DOC2B: variants seen among roughly 807,000 people sequenced by gnomAD.
DOC2B encodes double C2 domain beta, also known as double C2-like domain-containing protein beta.
DOC2B carries 21 observed loss-of-function variants against 28.9 expected under a neutral mutation model. The observed-to-expected ratio is 0.73, with a 90% CI of 0.52 to 1.05. DOC2B has a LOEUF of 1.05. Ranked by LOEUF, DOC2B falls within the 50% of genes least tolerant of loss-of-function variation. DOC2B has a pLI of 0.00. For missense variants in DOC2B, 384 were observed against 421.1 expected (o/e 0.91, Z 0.77); for synonymous variants, 194 against 178.1 (o/e 1.09, Z -0.71).
intron 1 of DOC2B, among the ~76,000 whole-genome samples, chr17:179,586 G>A (rs1487463934): frequency 6.6e-6 from 1 of 152,184 alleles, no homozygotes; most frequent in Non-Finnish European, 1.5e-5. Context: ...GGCAGCCAAA[G>A]CAGTTACTTG....
At chr17:162,011 C>T (rs111634325) in intron 4 of DOC2B, 70 bp downstream of exon 4, 58,778 of 1,119,898 alleles carry the variant, frequency 0.052, 1,857 homozygotes, top group Middle Eastern at 0.067. Flanking sequence ...TCCAGTCCTG[C>T]CTTCATTAGG....
intron 2 of DOC2B, among the ~76,000 whole-genome samples, chr17:166,745 C>T (rs566339809): frequency 6.6e-4 from 95 of 143,890 alleles, no homozygotes; most frequent in Non-Finnish European, 1.2e-3. Context: ...TGGTCTGACA[C>T]TGTTCTTGAG....
chr17:156,524 A>AG, intron 5 of DOC2B, 147 bp from the exon 6 acceptor site: 2 of 822,066 alleles, frequency 2.4e-6, no homozygotes. Flanking sequence ...GTGAACTCAC[A>AG]GCCCTTCTGT....
At chr17:155,610 CACCCTCTCCAAAGGG>C (rs1567528958) in intron 6 of DOC2B, among the ~76,000 whole-genome samples, 5 of 152,200 alleles carry the variant, frequency 3.3e-5, no homozygotes, top group Non-Finnish European at 5.9e-5. Context: ...GCACCTGTAG[CACCCTCTCCAAAGGG>C]TCGCCAGCTC....
chr17:163,006 T>C (rs2040222662), intron 3 of DOC2B, among the ~76,000 whole-genome samples: 1 of 152,200 alleles, frequency 6.6e-6, no homozygotes, highest in Non-Finnish European at 1.5e-5. Context: ...TCAGACAGCC[T>C]GGGCTTCCAA....
At chr17:163,904 G>A (rs559943257) in intron 3 of DOC2B, among the ~76,000 whole-genome samples, 13 of 152,306 alleles carry the variant, frequency 8.5e-5, no homozygotes, top group African/African-American at 2.6e-4. Context: ...ACGCTGACTC[G>A]TGAGGTCCCC....
chr17:169,637 G>A (rs1222239924), intron 2 of DOC2B, among the ~76,000 whole-genome samples: 3 of 152,146 alleles, frequency 2.0e-5, no homozygotes, highest in Admixed American at 6.5e-5. Context: ...GGCATGTAGG[G>A]CAGGGACAAC....
chr17:159,655 A>C (rs967633108), intron 5 of DOC2B, among the ~76,000 whole-genome samples: 6 of 152,258 alleles, frequency 3.9e-5, no homozygotes, highest in Middle Eastern at 3.4e-3. Context: ...TACCACCAGA[A>C]TGTGGCTGTA....
chr17:161,276 A>T, intron 5 of DOC2B, 139 bp downstream of exon 5: 1 of 888,932 alleles, frequency 1.1e-6, no homozygotes, highest in Non-Finnish European at 1.7e-6. Flanking sequence ...CACCCCCTTG[A>T]CTCTCCATGC....
rs2040002988 is a variant in DOC2B at position 144,098 on chromosome 17, CGG to C, written c.*3341_*3342del. 4.6e-5 allele frequency: 3 copies of C among 64,774 alleles called. No homozygotes were observed. Among genetic ancestry groups the C allele is most frequent in the Admixed American group, 4.6e-4 (3 of 6,556 alleles). The allele number at this position is 64,774 out of a possible 1,614,324, so 4.0% of individuals were successfully genotyped here. A position where few individuals can be genotyped will look rare whatever the true frequency, so the allele number is the denominator to read the frequency against. The stretch of plus-strand genomic sequence containing the variant: ...GCGGGCGGGGCGGCGGGCGGGGCGG[CGG>C]GCGGGGCGGCGCTGGAGGCAGCGCC... On this transcript the variant is annotated 3_prime_UTR_variant, in exon 9 of 9. Transcript: ENST00000613549.
Position 162,142 on chromosome 17 carries a change from A to G in DOC2B, c.577T>C (p.Trp193Arg). 4.5e-6 allele frequency: 7 copies of G among 1,551,956 alleles called. No homozygotes were observed. The highest frequency in any genetic ancestry group is 6.1e-6 in the Non-Finnish European group (7 of 1,147,042). ...KTLRNTLNPTWNETLTYYGIT... is the reference protein window; with the variant it reads ...KTLRNTLNPTRNETLTYYGIT... ...CCGTAGTAAGTGAGGGTCTCGTTCCATGTGGGGTTCAGAGTGTTACGGAGA... is the reference window on the plus strand; with the variant it reads ...CCGTAGTAAGTGAGGGTCTCGTTCCGTGTGGGGTTCAGAGTGTTACGGAGA... The change falls in exon 4 of 9, where the codon TGG becomes CGG. Residue 193 changes from tryptophan to arginine, a missense_variant. Physicochemically the swap from Trp to Arg is moderately radical, Grantham distance 101. Coordinates refer to ENST00000613549, the MANE Select transcript of DOC2B (RefSeq NM_003585.5).
In DOC2B at chr17:146,157, C is replaced by G. The variant is rs1472783509; in HGVS notation, c.*1284G>C. Reference sequence around the variant, plus strand: ...GGGTGGAGCTGGCCCCACAGGCCTCCCCAGAGACAAGGCCCTGGACGGCCA... The same window carrying G: ...GGGTGGAGCTGGCCCCACAGGCCTCGCCAGAGACAAGGCCCTGGACGGCCA... On this transcript the variant is annotated 3_prime_UTR_variant, in exon 9 of 9. Transcript: ENST00000613549. 1 of 152,194 alleles carries G rather than the reference C, an allele frequency of 6.6e-6. No homozygotes were observed. The highest frequency in any genetic ancestry group is 1.5e-5 in the Non-Finnish European group (1 of 68,084). 9.4% of individuals were successfully genotyped at this position (152,194 alleles called of 1,614,324 possible). A position where few individuals can be genotyped will look rare whatever the true frequency, so the allele number is the denominator to read the frequency against.
intron 1 of DOC2B, among the ~76,000 whole-genome samples, chr17:174,102 C>T (rs760984430): frequency 6.6e-5 from 10 of 152,144 alleles, no homozygotes; most frequent in Non-Finnish European, 1.2e-4. Flanking sequence ...TGAAAGGCCA[C>T]GAGTGTGGAG....
rs1025399637 is a variant in DOC2B, at chr17:144,770, G to C, written c.*2671C>G. 4 of 152,200 alleles carry C rather than the reference G, an allele frequency of 2.6e-5. No homozygotes were observed. Among genetic ancestry groups the C allele is most frequent in the Admixed American group, 1.3e-4 (2 of 15,282 alleles). The allele number at this position is 152,200 out of a possible 1,614,324, so 9.4% of individuals were successfully genotyped here. A position where few individuals can be genotyped will look rare whatever the true frequency, so the allele number is the denominator to read the frequency against. On this transcript the variant is annotated 3_prime_UTR_variant, in exon 9 of 9. Transcript: ENST00000613549. ...CCTGGGCAGTAGAGGGCCCTGGACT[G>C]GGGGGCTGGAGTTCTGGGTTCTTGT...
Position 156,501 on chromosome 17 carries a change from G to T in DOC2B, c.766-124C>A, listed in dbSNP as rs947945230. ...GCCGGGCCTGGTCACGGTCCCTGGT[G>T]AGTGGCCTCACTGTGAACTCACAGC... On this transcript the variant is annotated intron_variant, in intron 5 of 8. Transcript: ENST00000613549. The T allele has an allele frequency of 5.7e-6, 6 of 1,044,366 alleles. No homozygotes were observed. The South Asian group carries it at 7.6e-5, about 13-fold the overall frequency. 64.7% of individuals were successfully genotyped at this position (1,044,366 alleles called of 1,614,324 possible).
chr17:155,985 C>A (rs912383403), intron 6 of DOC2B: 1 of 549,580 alleles, frequency 1.8e-6, no homozygotes, highest in Non-Finnish European at 3.2e-6. Flanking sequence ...ATAACTAATA[C>A]CTGCATGACC....
rs543824416 is a variant in DOC2B, at chr17:153,762, C to A, written c.923+2458G>T. 2.6e-5 allele frequency among the ~76,000 whole-genome samples: 4 copies of A among 151,700 alleles called. No individual in the cohort carries two copies. The South Asian group carries it at 8.3e-4, about 32-fold the overall frequency. On this transcript the variant is annotated intron_variant, in intron 6 of 8. Transcript: ENST00000613549. The stretch of plus-strand genomic sequence containing the variant: ...GCATATCCTCCTGCAAGGATATATA[C>A]GCGTGAAATTCAAGTCAATGACAAA...
At chr17:160,489 C>G (rs1555523081) in intron 5 of DOC2B, among the ~76,000 whole-genome samples, 2 of 152,228 alleles carry the variant, frequency 1.3e-5, no homozygotes, top group Non-Finnish European at 2.9e-5. Context: ...GTCCACGTCC[C>G]CGGGCCCCAC....
intron 6 of DOC2B, among the ~76,000 whole-genome samples, chr17:153,181 A>G (rs980891562): frequency 6.6e-6 from 1 of 152,204 alleles, no homozygotes; most frequent in Non-Finnish European, 1.5e-5. Context: ...CACGGCTGGC[A>G]GGTGGGACCC....
Sources: gnomAD v4.1 joint callset for allele counts (sites outside exome capture counted in the v4.1 genomes callset) on GRCh38, gnomAD v4.1.1 for gene constraint, MANE v1.5 for transcripts, NCBI Gene and HGNC (gene_info 2026-07-23, HGNC 2026-07-21) for gene names.